EIF4G2: variants seen among roughly 807,000 people sequenced by gnomAD.
The protein encoded by EIF4G2 is eukaryotic translation initiation factor 4 gamma 2.
EIF4G2 carries 8 observed loss-of-function variants against 117.7 expected under a neutral mutation model. The ratio of observed to expected loss-of-function variants is 0.07; its 90% CI spans 0.04 to 0.12. The LOEUF (loss-of-function observed/expected upper bound fraction) is 0.12, where lower values mean the gene tolerates loss of function less well. EIF4G2 is among the 10% of genes least tolerant of loss of function. The pLI is 1.00. For missense variants in EIF4G2, 812 were observed against 1,086.2 expected (o/e 0.75, Z 3.55); for synonymous variants, 413 against 367.8 (o/e 1.12, Z -1.41).
At position 10,804,130 on chromosome 11, in the gene EIF4G2, G is replaced by A; in HGVS notation, c.550+7C>T. 6.2e-7 allele frequency: 1 copy of A among 1,614,176 alleles called. No individual in the cohort carries two copies. Among genetic ancestry groups the A allele is most frequent in the Non-Finnish European group, 8.5e-7 (1 of 1,180,016 alleles). ...CAGTAGTACTTATTATCAGCTATAA[G>A]TCTTACCATCAACATTTCTAGTTCG... On this transcript the variant is annotated splice_region_variant and intron_variant, in intron 7 of 21. Coordinates refer to ENST00000339995, the MANE Select transcript of EIF4G2 (RefSeq NM_001418.4).
chr11:10,806,633 C>A (rs996336814), intron 3 of EIF4G2, 187 bp downstream of exon 3: 13 of 580,592 alleles, frequency 2.2e-5, no homozygotes, highest in Admixed American at 6.2e-5. Context: ...TTGAGAGTCT[C>A]AACTCACTTA....
In EIF4G2 at chr11:10,800,956, C is replaced by T; in HGVS notation, c.1539+6G>A. 1 of 1,614,128 alleles carries T rather than the reference C, an allele frequency of 6.2e-7. No homozygotes were observed. The highest frequency in any genetic ancestry group is 8.5e-7 in the Non-Finnish European group (1 of 1,179,992). ...TTAGAAAATGCTGTCCTACTATGGT[C>T]TGTACCTGTCCCAGAGGTGGTGTTT... On this transcript the variant is annotated splice_donor_region_variant and intron_variant, in intron 15 of 21. Transcript: ENST00000339995.
Position 10,803,763 on chromosome 11 carries a change from G to GT in EIF4G2, c.702+135dup. 8.1e-7 allele frequency: 1 copy of GT among 1,236,112 alleles called. No homozygotes were observed. Among genetic ancestry groups the GT allele is most frequent in the Non-Finnish European group, 1.1e-6 (1 of 883,500 alleles). The allele number at this position is 1,236,112 out of a possible 1,614,324, so 76.6% of individuals were successfully genotyped here. ...AACTCTACTTTGTCAAACACACCAC[G>GT]TATTTCAAATTATTCTGTTTAGTAA... is the stretch of plus-strand genomic sequence containing the variant. On this transcript the variant is annotated intron_variant, in intron 8 of 21. Coordinates refer to ENST00000339995, the MANE Select transcript of EIF4G2 (RefSeq NM_001418.4). This position sits in a 1 kb window ranked among gnomAD's most constrained non-coding sequence, Gnocchi z 4.0.
intron 5 of EIF4G2, 61 bp from the exon 6 acceptor site, chr11:10,804,479 G>A: frequency 6.6e-7 from 1 of 1,515,826 alleles, no homozygotes; most frequent in Non-Finnish European, 8.8e-7. Flanking sequence ...CCTTCCTTTA[G>A]GAAAAATACA....
chr11:10,805,179 GTTATT>G (rs1590044152), intron 4 of EIF4G2, among the ~76,000 whole-genome samples, 164 bp from the exon 5 acceptor site: 1 of 152,180 alleles, frequency 6.6e-6, no homozygotes, highest in Non-Finnish European at 1.5e-5. Flanking sequence ...AAATAAACCT[GTTATT>G]TTAATTACAA....
In EIF4G2 at chr11:10,808,442, G is replaced by A. The variant is rs554204395; in HGVS notation, c.-87+263C>T. On this transcript the variant is annotated intron_variant, in intron 1 of 21. Coordinates refer to ENST00000339995, the MANE Select transcript of EIF4G2 (RefSeq NM_001418.4). ...CCGTGCCTCGGTCCGCCACGGCCTC[G>A]TCCCTGCAGGCGTCGGCCATCCGGC... 113 of 1,261,700 alleles carry A rather than the reference G, an allele frequency of 9.0e-5. 1 individual carries two copies. In the East Asian group the frequency reaches 6.9e-3, roughly 77 times the overall value. 78.2% of individuals were successfully genotyped at this position (1,261,700 alleles called of 1,614,324 possible).
chr11:10,800,518 T>C lies in EIF4G2; in HGVS notation c.1774A>G (p.Arg592Gly), dbSNP rs781101586. The change falls in exon 17 of 22, where the codon AGA (arginine) becomes GGA (glycine). Residue 592 changes from arginine to glycine, a missense_variant. Around this residue, in one of 4 missense-constraint regions of EIF4G2, gnomAD observed 571 missense variants for 642.3 expected, o/e 0.89. Transcript: ENST00000339995. ...GCTTTTTCTTTATCTTCATCGCTTC[T>C]ATCTAGTGACAGGATGATTACTTTG... is the stretch of plus-strand genomic sequence containing the variant. The C allele has an allele frequency of 8.1e-5, 130 of 1,614,088 alleles. No homozygotes were observed. The highest frequency in any genetic ancestry group is 4.9e-4 in the Middle Eastern group (3 of 6,084).
chr11:10,802,544 T>C (rs534395648), intron 11 of EIF4G2, 109 bp from the exon 12 acceptor site: 130 of 1,362,678 alleles, frequency 9.5e-5, no homozygotes, highest in Admixed American at 6.7e-4. Flanking sequence ...CCATAATTTA[T>C]GTTATTTCTG....
rs1847363093 is a variant in EIF4G2, at chr11:10,799,662, C to T, written c.2214G>A (p.Leu738=). 1 of 1,614,016 alleles carries T rather than the reference C, an allele frequency of 6.2e-7. No homozygotes were observed. Among genetic ancestry groups the T allele is most frequent in the Admixed American group, 1.7e-5 (1 of 59,998 alleles). Reference sequence around the variant, plus strand: ...GGGATGGATCCAACTTTATTTGCTTCAACAGTTCCTTCTCCAATTTGAGGA... The same window carrying T: ...GGGATGGATCCAACTTTATTTGCTTTAACAGTTCCTTCTCCAATTTGAGGA... Residue 738 remains leucine (L), a synonymous_variant, in exon 19 of 22, where the codon TTG becomes TTA. Transcript: ENST00000339995.
chr11:10,803,338 G>A lies in EIF4G2; in HGVS notation c.814-44C>T, dbSNP rs762594310. On this transcript the variant is annotated intron_variant, in intron 9 of 21. Transcript: ENST00000339995. This position sits in a 1 kb window ranked among gnomAD's most constrained non-coding sequence, Gnocchi z 4.0. ...ATTCATTGGAAGAGCTAAAGCAAATGTGTTCAATTTACAGCTTTAAGACTT... is the reference window on the plus strand; with the variant it reads ...ATTCATTGGAAGAGCTAAAGCAAATATGTTCAATTTACAGCTTTAAGACTT... 6.2e-7 allele frequency: 1 copy of A among 1,600,576 alleles called. No homozygotes were observed. The highest frequency in any genetic ancestry group is 8.5e-7 in the Non-Finnish European group (1 of 1,170,736).
chr11:10,799,476 G>A (rs775427237), intron 19 of EIF4G2, 52 bp from the exon 20 acceptor site: 7 of 1,609,848 alleles, frequency 4.3e-6, no homozygotes, highest in Non-Finnish European at 5.9e-6. Flanking sequence ...TCTTGCTCAA[G>A]AGACAACTCT....
At chr11:10,799,481 A>G in intron 19 of EIF4G2, 57 bp from the exon 20 acceptor site, 7 of 1,609,966 alleles carry the variant, frequency 4.3e-6, no homozygotes, top group Non-Finnish European at 5.9e-6. Flanking sequence ...CTCAAGAGAC[A>G]ACTCTTAGTC....
In EIF4G2 at chr11:10,801,787, AG is replaced by A. The variant is rs763580658; in HGVS notation, c.1300-14del. ...GCTGGCTTAGCCCCTATTTCAGAAA[AG>A]GAGAAAGAAAGTCTAGATAAAAAGG... On this transcript the variant is annotated splice_polypyrimidine_tract_variant and intron_variant, in intron 13 of 21. Transcript: ENST00000339995. 8.1e-6 allele frequency: 13 copies of A among 1,610,276 alleles called. No homozygotes were observed. The highest frequency in any genetic ancestry group is 1.1e-5 in the Non-Finnish European group (13 of 1,178,406).
At chr11:10,808,615 G>T in intron 1 of EIF4G2, 90 bp downstream of exon 1, 1 of 641,112 alleles carries the variant, frequency 1.6e-6, no homozygotes, top group Non-Finnish European at 2.1e-6. Context: ...TCCGCCTGCG[G>T]CCGCCATTTT....
chr11:10,801,830 T>C (rs1847426524), intron 13 of EIF4G2, 56 bp from the exon 14 acceptor site: 5 of 1,526,730 alleles, frequency 3.3e-6, no homozygotes, highest in South Asian at 1.2e-5. Flanking sequence ...CAAATTATGG[T>C]AATCAAGTAC....
intron 17 of EIF4G2, 42 bp from the exon 18 acceptor site, chr11:10,800,390 A>G (rs978898056): frequency 1.2e-6 from 2 of 1,612,382 alleles, no homozygotes; most frequent in South Asian, 1.1e-5. Flanking sequence ...TTCGAATTTG[A>G]GTGGTAAGAG....
At chr11:10,798,764 C>G in intron 21 of EIF4G2, 1 of 450,742 alleles carries the variant, frequency 2.2e-6, no homozygotes, top group Admixed American at 3.9e-5. Flanking sequence ...AGTAGCTATA[C>G]TCCTTGAAAA....
intron 1 of EIF4G2, chr11:10,807,750 C>T (rs760839597): frequency 1.0e-6 from 1 of 991,470 alleles, no homozygotes; most frequent in African/African-American, 1.7e-5. Flanking sequence ...ACTGCCTTGA[C>T]GAGGCCAGCG....
Position 10,799,167 on chromosome 11 carries a change from G to T in EIF4G2, c.2536+46C>A, listed in dbSNP as rs778379720. On this transcript the variant is annotated intron_variant, in intron 20 of 21. Coordinates refer to ENST00000339995, the MANE Select transcript of EIF4G2 (RefSeq NM_001418.4). ...TAATAAGCCCATTATTTAGTGTTCTGTTTAAGAACTTCCTCACGCCGTTCT... is the reference window on the plus strand; with the variant it reads ...TAATAAGCCCATTATTTAGTGTTCTTTTTAAGAACTTCCTCACGCCGTTCT... 16 of 1,607,460 alleles carry T rather than the reference G, an allele frequency of 1.0e-5. No individual in the cohort carries two copies. In the African/African-American group the frequency reaches 2.0e-4, roughly 20 times the overall value.
Sources: gnomAD v4.1 joint callset for allele counts (sites outside exome capture counted in the v4.1 genomes callset) on GRCh38, gnomAD v4.1.1 for gene constraint, gnomAD v4.1.1 regional missense constraint, Gnocchi (gnomAD v3.1) non-coding constraint, MANE v1.5 for transcripts, NCBI Gene and HGNC (gene_info 2026-07-23, HGNC 2026-07-21) for gene names.